SPMAP2: variants seen among roughly 807,000 people sequenced by gnomAD.
The protein encoded by SPMAP2 is sperm microtubule associated protein 2.
chr19:371,773 G>A, the SPMAP2 span, among the ~76,000 whole-genome samples: 2 of 152,224 alleles, frequency 1.3e-5, no homozygotes, highest in Admixed American at 6.5e-5. Flanking sequence ...GGACAGCTGA[G>A]CTCCCGGGGC....
At chr19:371,309 AGACAGGAGTCGTCCTGGG>A in the SPMAP2 span, 1 of 1,481,302 alleles carries the variant, frequency 6.8e-7, no homozygotes, top group Non-Finnish European at 9.0e-7. Context: ...GGAATGGGCC[AGACAGGAGTCGTCCTGGG>A]GGAGGTCCCC....
the SPMAP2 span, chr19:373,835 A>T: frequency 8.9e-7 from 1 of 1,119,636 alleles, no homozygotes; most frequent in Non-Finnish European, 1.3e-6. Context: ...GCCCTCCCTG[A>T]TCCTCCTCCC....
At chr19:367,632 G>A in the SPMAP2 span, among the ~76,000 whole-genome samples, 1 of 152,234 alleles carries the variant, frequency 6.6e-6, no homozygotes, top group African/African-American at 2.4e-5. Context: ...GAGTAAATTA[G>A]TACAGGCAGC....
the SPMAP2 span, among the ~76,000 whole-genome samples, chr19:363,902 C>A: frequency 6.6e-6 from 1 of 152,146 alleles, no homozygotes; most frequent in Non-Finnish European, 1.5e-5. Flanking sequence ...CTTTAGCTCA[C>A]TGCAGCCTCC....
At chr19:369,424 C>A in the SPMAP2 span, among the ~76,000 whole-genome samples, 1 of 152,022 alleles carries the variant, frequency 6.6e-6, no homozygotes, top group African/African-American at 2.4e-5. Flanking sequence ...AAGATGGAGG[C>A]CACGACGGGG....
chr19:366,245 GGATA>G, the SPMAP2 span, among the ~76,000 whole-genome samples: 1 of 152,026 alleles, frequency 6.6e-6, no homozygotes, highest in African/African-American at 2.4e-5. Flanking sequence ...GTGCACACAC[GGATA>G]TATATTTATA....
chr19:372,748 T>A, the SPMAP2 span: 1 of 1,585,054 alleles, frequency 6.3e-7, no homozygotes, highest in South Asian at 1.1e-5. Flanking sequence ...GTCAACACCC[T>A]GCAGTTCCCA....
At chr19:374,212 A>G in the SPMAP2 span, 6 of 1,572,358 alleles carry the variant, frequency 3.8e-6, no homozygotes, top group Non-Finnish European at 2.6e-6. Flanking sequence ...AGGGGAGCCG[A>G]GCAGTGGGGA....
At chr19:374,439 G>C in the SPMAP2 span, 2 of 1,613,922 alleles carry the variant, frequency 1.2e-6, no homozygotes, top group South Asian at 1.1e-5. Context: ...AGAATTCCAC[G>C]TTGAAGTTGG....
the SPMAP2 span, among the ~76,000 whole-genome samples, chr19:370,885 G>C: frequency 6.6e-6 from 1 of 152,058 alleles, no homozygotes; most frequent in East Asian, 1.9e-4. Context: ...AGCGAGGTCA[G>C]TGGTTGCCGG....
the SPMAP2 span, chr19:362,352 C>A: frequency 6.2e-7 from 1 of 1,609,600 alleles, no homozygotes; most frequent in Non-Finnish European, 8.5e-7. Context: ...CTGGCCACCA[C>A]CTTCTTGGTG....
the SPMAP2 span, chr19:362,160 G>A: frequency 4.2e-5 from 60 of 1,425,766 alleles, 1 homozygote; most frequent in South Asian, 8.6e-4. Flanking sequence ...CACATACACA[G>A]GGTTAGGGTG....
chr19:362,309 A>G, the SPMAP2 span: 5 of 1,609,762 alleles, frequency 3.1e-6, no homozygotes, highest in Non-Finnish European at 4.2e-6. Context: ...GCCCTTGCGC[A>G]CTTTGGGCTT....
At chr19:367,810 GC>G in the SPMAP2 span, among the ~76,000 whole-genome samples, 1 of 152,168 alleles carries the variant, frequency 6.6e-6, no homozygotes, top group African/African-American at 2.4e-5. Context: ...GCCGCTGGGG[GC>G]TGCACAAGCT....
chr19:374,192 C>T, the SPMAP2 span: 3 of 1,543,360 alleles, frequency 1.9e-6, no homozygotes, highest in Non-Finnish European at 2.6e-6. Flanking sequence ...GATGTGGTGG[C>T]AGCTGGGGGA....
the SPMAP2 span, chr19:374,249 G>C: frequency 1.9e-6 from 3 of 1,604,370 alleles, no homozygotes; most frequent in Non-Finnish European, 2.6e-6. Flanking sequence ...AGGGTGCAGA[G>C]AAAGCCGCCC....
chr19:368,876 T>G, the SPMAP2 span, among the ~76,000 whole-genome samples: 1 of 152,090 alleles, frequency 6.6e-6, no homozygotes, highest in African/African-American at 2.4e-5. This position sits in a 1 kb window ranked among gnomAD's most constrained non-coding sequence, Gnocchi z 4.1. Context: ...GCTGCTGAGG[T>G]AGAGAGACTC....
the SPMAP2 span, chr19:375,962 G>A: frequency 7.0e-7 from 1 of 1,437,168 alleles, no homozygotes; most frequent in Non-Finnish European, 9.1e-7. Context: ...TTCGCCTGCT[G>A]TCCCCCATAC....
At chr19:373,985 G>C in the SPMAP2 span, 1 of 1,613,676 alleles carries the variant, frequency 6.2e-7, no homozygotes, top group South Asian at 1.1e-5. Context: ...GGAGATCCAG[G>C]CATACCCCTT....
Sources: gnomAD v4.1 joint callset for allele counts (sites outside exome capture counted in the v4.1 genomes callset) on GRCh38, gnomAD v4.1.1 for gene constraint, Gnocchi (gnomAD v3.1) non-coding constraint, MANE v1.5 for transcripts, NCBI Gene and HGNC (gene_info 2026-07-23, HGNC 2026-07-21) for gene names.